EML5: variants seen among roughly 807,000 people sequenced by gnomAD.
EML5 encodes echinoderm microtubule-associated protein-like 5.
Under a neutral mutation model 250.0 loss-of-function variants are expected in EML5, and 120 were observed. The ratio of observed to expected loss-of-function variants is 0.48; its 90% CI spans 0.41 to 0.56. The LOEUF (loss-of-function observed/expected upper bound fraction) is 0.56, where lower values mean the gene tolerates loss of function less well. Among genes scored for constraint, EML5 ranks in the 20% least tolerant of loss-of-function variants. The pLI, the probability that EML5 is intolerant of heterozygous loss-of-function variation, is 0.00. For synonymous variants in EML5, 771 were observed against 806.5 expected, an observed-to-expected ratio of 0.96 and a Z score of 0.75; for missense variants, 2,006 against 2,437.6, an observed-to-expected ratio of 0.82 and a Z score of 3.73.
chr14:88,658,317 A>G lies in EML5; in HGVS notation c.3747T>C (p.Asp1249=). 7 of 1,613,902 alleles carry G rather than the reference A, an allele frequency of 4.3e-6. No individual in the cohort carries two copies. Among genetic ancestry groups the G allele is most frequent in the Non-Finnish European group, 5.9e-6 (7 of 1,179,836 alleles). Residue 1249 remains aspartate, a synonymous_variant, in exon 26 of 44, where the codon GAT becomes GAC. Transcript: ENST00000554922. Reference sequence around the variant, plus strand: ...CGCCTAGGGTAACCAACATGCTGTCATCATAAGTCCAGCGAACATTTGTGA... The same window carrying G: ...CGCCTAGGGTAACCAACATGCTGTCGTCATAAGTCCAGCGAACATTTGTGA... ...THVTNVRWTY[D]DSMLVTLGGT... is the part of the protein sequence containing the mutation.
intron 1 of EML5, among the ~76,000 whole-genome samples, chr14:88,762,707 C>T (rs879912101): frequency 1.3e-5 from 2 of 152,146 alleles, no homozygotes; most frequent in African/African-American, 2.4e-5. Flanking sequence ...ACAGAATATA[C>T]ACTCTTCTTA....
intron 32 of EML5, among the ~76,000 whole-genome samples, chr14:88,634,774 TA>T (rs1186892889): frequency 1.3e-5 from 2 of 152,186 alleles, no homozygotes; most frequent in African/African-American, 4.8e-5. Flanking sequence ...TGATATGATT[TA>T]AAATTATATT....
At chr14:88,707,270 T>TTTTTTTTA (rs1555358227) in intron 10 of EML5, among the ~76,000 whole-genome samples, 1 of 145,526 alleles carries the variant, frequency 6.9e-6, no homozygotes, top group African/African-American at 2.6e-5. Context: ...TAGGGATATA[T>TTTTTTTTA]TTTATTTATT....
intron 9 of EML5, 25 bp downstream of exon 9, chr14:88,714,914 T>C (rs1166031076): frequency 6.2e-7 from 1 of 1,604,262 alleles, no homozygotes; most frequent in Non-Finnish European, 8.5e-7. Context: ...GTACTACAAA[T>C]CTATAATTTG....
chr14:88,703,299 G>A (rs2093253081), intron 13 of EML5, among the ~76,000 whole-genome samples: 1 of 152,150 alleles, frequency 6.6e-6, no homozygotes, highest in Non-Finnish European at 1.5e-5. Flanking sequence ...CTGAAACTAA[G>A]TAACAGTAAC....
At position 88,706,407 on chromosome 14, in the gene EML5, A is replaced by G. The variant is rs1259684792; in HGVS notation, c.1677T>C (p.Tyr559=). 3.8e-6 allele frequency: 6 copies of G among 1,571,960 alleles called. No individual in the cohort carries two copies. The highest frequency in any genetic ancestry group is 4.3e-6 in the Non-Finnish European group (5 of 1,162,270). Reference sequence around the variant, plus strand: ...TAGTTACGTGAGCTGAATGGCCAATATATTTTCTAAACTTGGCCCCTATAA... The same window carrying G: ...TAGTTACGTGAGCTGAATGGCCAATGTATTTTCTAAACTTGGCCCCTATAA... ...CLRKGAKFRK[Y]IGHSAHVTNV... is the part of the protein sequence containing the mutation. The change falls in exon 11 of 44, where the codon TAT becomes TAC. Residue 559 remains tyrosine (Y), a synonymous_variant. Transcript: ENST00000554922.
chr14:88,717,079 C>T (rs1490210920), intron 8 of EML5, among the ~76,000 whole-genome samples: 2 of 152,160 alleles, frequency 1.3e-5, no homozygotes, highest in African/African-American at 4.8e-5. Context: ...TCAGAGCATA[C>T]AACCGAAGAA....
At chr14:88,706,132 T>A in intron 11 of EML5, 127 bp downstream of exon 11, 1 of 876,544 alleles carries the variant, frequency 1.1e-6, no homozygotes, top group Non-Finnish European at 1.7e-6. Context: ...AACTTGAAAT[T>A]TCTACTAATA....
chr14:88,705,080 C>T, intron 12 of EML5, 102 bp from the exon 13 acceptor site: 1 of 725,202 alleles, frequency 1.4e-6, no homozygotes, highest in Non-Finnish European at 2.2e-6. Flanking sequence ...AAAACAACAG[C>T]TTTAATAGTA....
chr14:88,630,754 A>AT (rs752129227), intron 33 of EML5, among the ~76,000 whole-genome samples: 1 of 152,234 alleles, frequency 6.6e-6, no homozygotes, highest in African/African-American at 2.4e-5. Context: ...TCTGAAAAGG[A>AT]TTTTTTTGCT....
intron 1 of EML5, among the ~76,000 whole-genome samples, chr14:88,770,279 T>C (rs948841739): frequency 2.0e-5 from 3 of 152,194 alleles, no homozygotes; most frequent in African/African-American, 2.4e-5. Flanking sequence ...GTTATTTTAA[T>C]GAGGTTCAAT....
At chr14:88,643,049 T>C (rs1335752504) in intron 30 of EML5, 27 bp from the exon 31 acceptor site, 4 of 1,543,724 alleles carry the variant, frequency 2.6e-6, no homozygotes, top group Non-Finnish European at 2.6e-6. Flanking sequence ...AAAACCATTA[T>C]ATTCTTCCTC....
chr14:88,789,800 C>T (rs531917786), intron 1 of EML5, among the ~76,000 whole-genome samples: 28 of 152,384 alleles, frequency 1.8e-4, no homozygotes, highest in African/African-American at 6.5e-4. Context: ...ATTGCACTCA[C>T]ATTTTCAAAA....
chr14:88,745,119 G>A (rs1329543399), intron 3 of EML5, among the ~76,000 whole-genome samples: 2 of 150,760 alleles, frequency 1.3e-5, no homozygotes, highest in Non-Finnish European at 3.0e-5. Context: ...CATGCCAGCT[G>A]TCTAATAAAA....
At chr14:88,735,292 T>G (rs904892016) in intron 7 of EML5, among the ~76,000 whole-genome samples, 18 of 152,200 alleles carry the variant, frequency 1.2e-4, no homozygotes, top group African/African-American at 4.3e-4. Context: ...AACCACACTT[T>G]GAGAACCACT....
chr14:88,679,920 T>C (rs1050424661), intron 21 of EML5, among the ~76,000 whole-genome samples: 2 of 152,138 alleles, frequency 1.3e-5, no homozygotes, highest in Non-Finnish European at 2.9e-5. Flanking sequence ...TTTTAGGCCA[T>C]TGGAAAAATT....
intron 8 of EML5, among the ~76,000 whole-genome samples, chr14:88,718,580 T>C (rs912308069): frequency 2.6e-5 from 4 of 152,102 alleles, no homozygotes; most frequent in Admixed American, 6.5e-5. Flanking sequence ...AAGTGAAAAA[T>C]GTCTCCTAGT....
chr14:88,777,661 T>C (rs1490277219), intron 1 of EML5, among the ~76,000 whole-genome samples: 3 of 152,048 alleles, frequency 2.0e-5, no homozygotes, highest in South Asian at 2.1e-4. Flanking sequence ...TACAATAAGA[T>C]AGAAATAACA....
In EML5 at chr14:88,746,418, C is replaced by A. The variant is rs547192419; in HGVS notation, c.358-135G>T. ...AACATATATGCCTATATTTTATAGA[C>A]CTCATAAAGGCTGAATGTATTTCAC... On this transcript the variant is annotated intron_variant, in intron 2 of 43. Transcript: ENST00000554922. 9 of 658,744 alleles carry A rather than the reference C, an allele frequency of 1.4e-5. No individual in the cohort carries two copies. In the East Asian group the frequency reaches 2.0e-4, roughly 14 times the overall value. The allele number at this position is 658,744 out of a possible 1,614,324, so 40.8% of individuals were successfully genotyped here.
Sources: gnomAD v4.1 joint callset for allele counts (sites outside exome capture counted in the v4.1 genomes callset) on GRCh38, gnomAD v4.1.1 for gene constraint, MANE v1.5 for transcripts, NCBI Gene and HGNC (gene_info 2026-07-23, HGNC 2026-07-21) for gene names.